The following CNN1 variants were observed in gnomAD, a reference collection of about 807,000 sequenced individuals.
CNN1 encodes calponin-1.
CNN1 carries 21 observed loss-of-function variants against 35.3 expected under a neutral mutation model. That is an observed-to-expected ratio of 0.60 (90% CI 0.42 to 0.86). The LOEUF is 0.86. CNN1 is among the 40% of genes least tolerant of loss of function. The probability of loss-of-function intolerance (pLI) is 0.00; values close to 1 mark genes in which losing one functional copy is unlikely to be tolerated. For synonymous variants in CNN1, 164 were observed against 161.8 expected, an observed-to-expected ratio of 1.01 and a Z score of -0.10; for missense variants, 314 against 400.8, an observed-to-expected ratio of 0.78 and a Z score of 1.85.
chr19:11,545,332 G>C (rs1037627729), intron 2 of CNN1, among the ~76,000 whole-genome samples: 1 of 151,844 alleles, frequency 6.6e-6, no homozygotes, highest in Non-Finnish European at 1.5e-5. Flanking sequence ...TGGAGGTGGC[G>C]GGGAGCAGTG....
intron 1 of CNN1, chr19:11,539,937 G>T (rs1972421982): frequency 9.0e-7 from 1 of 1,112,922 alleles, no homozygotes; most frequent in Non-Finnish European, 1.1e-6. Flanking sequence ...AGGCGGCCTC[G>T]GGGAGCCCGG....
chr19:11,546,576 C>T, intron 2 of CNN1, 99 bp from the exon 3 acceptor site: 1 of 1,233,434 alleles, frequency 8.1e-7, no homozygotes, highest in Non-Finnish European at 1.2e-6. Flanking sequence ...CCTCGTGATC[C>T]ACCCGCCTTG....
intron 2 of CNN1, chr19:11,541,823 C>A (rs982099139): frequency 6.6e-6 from 1 of 151,188 alleles, no homozygotes; most frequent in Non-Finnish European, 1.5e-5. Context: ...GAACTCCTGA[C>A]CTCAATTGAT....
intron 2 of CNN1, among the ~76,000 whole-genome samples, chr19:11,544,427 T>C (rs1047040392): frequency 1.3e-5 from 2 of 152,040 alleles, no homozygotes; most frequent in Non-Finnish European, 2.9e-5. Context: ...GAAGTGGAGA[T>C]GAAGTCGCAG....
intron 2 of CNN1, 141 bp downstream of exon 2, chr19:11,541,338 C>A: frequency 9.0e-7 from 1 of 1,116,758 alleles, no homozygotes; most frequent in Non-Finnish European, 1.2e-6. Context: ...AATCATTGTG[C>A]CCATTTAACA....
chr19:11,539,626 C>T (rs1972413050), intron 1 of CNN1: 1 of 739,850 alleles, frequency 1.4e-6, no homozygotes, highest in Admixed American at 2.5e-5. Flanking sequence ...CTCAGCTTCT[C>T]CCAGCTGGAG....
At position 11,549,507 on chromosome 19, in the gene CNN1, G is replaced by C. The variant is rs764380439; in HGVS notation, c.648+38G>C. 6.2e-7 allele frequency: 1 copy of C among 1,608,956 alleles called. No individual in the cohort carries two copies. The highest frequency in any genetic ancestry group is 1.7e-5 in the Admixed American group (1 of 59,594). Reference sequence around the variant, plus strand: ...CCCCGGGACACGCCGTCAAGGCCCAGGACCCTGGCCACCCCACGGCCTGAC... The same window carrying C: ...CCCCGGGACACGCCGTCAAGGCCCACGACCCTGGCCACCCCACGGCCTGAC... On this transcript the variant is annotated intron_variant, in intron 6 of 6. Transcript: ENST00000252456. This position sits in a 1 kb window ranked among gnomAD's most constrained non-coding sequence, Gnocchi z 5.2.
At position 11,541,095 on chromosome 19, in the gene CNN1, A is replaced by T. The variant is rs1972452143; in HGVS notation, c.83A>T (p.His28Leu). ...CCCCAGCTGGCCCAGAAGTATGACC[A>T]CCAGCGGGAGCAGGAGCTGAGAGAG... ...VKNKLAQKYD[H>L]QREQELREWI... is the part of the protein sequence containing the mutation. Residue 28 changes from histidine (H) to leucine (L), a missense_variant, in exon 2 of 7, where the codon CAC (histidine) becomes CTC (leucine). By Grantham distance (99) the His-to-Leu change is moderately conservative (BLOSUM62 -3). Coordinates refer to ENST00000252456, the MANE Select transcript of CNN1 (RefSeq NM_001299.6). 2 of 1,610,400 alleles carry T rather than the reference A, an allele frequency of 1.2e-6. No homozygotes were observed. The highest frequency in any genetic ancestry group is 2.2e-5 in the South Asian group (2 of 90,762).
rs1277334518 is a variant in CNN1, at chr19:11,549,953, C to A, written c.*158C>A. 1.8e-6 allele frequency: 2 copies of A among 1,136,402 alleles called. No individual in the cohort carries two copies. The highest frequency in any genetic ancestry group is 2.5e-6 in the Non-Finnish European group (2 of 815,594). The allele number at this position is 1,136,402 out of a possible 1,614,324, so 70.4% of individuals were successfully genotyped here. On this transcript the variant is annotated 3_prime_UTR_variant, in exon 7 of 7. Transcript: ENST00000252456. This position sits in a 1 kb window ranked among gnomAD's most constrained non-coding sequence, Gnocchi z 5.2. The stretch of plus-strand genomic sequence containing the variant: ...TTAGAGTTTGGAGAGAGCAGACTGG[C>A]GGGGGGCCCATTGGGGGGAAGGGGA...
intron 2 of CNN1, among the ~76,000 whole-genome samples, chr19:11,544,579 C>G (rs1174199025): frequency 2.0e-5 from 3 of 151,978 alleles, no homozygotes; most frequent in Non-Finnish European, 4.4e-5. Context: ...TCAACTGATC[C>G]TCCCACCCCA....
At chr19:11,546,633 C>T (rs1199073002) in intron 2 of CNN1, 42 bp from the exon 3 acceptor site, 1 of 1,611,634 alleles carries the variant, frequency 6.2e-7, no homozygotes, top group Non-Finnish European at 8.5e-7. Flanking sequence ...CGTGCCCAAC[C>T]CTGGGGGGAC....
chr19:11,549,252 C>A lies in CNN1; in HGVS notation c.502-71C>A, dbSNP rs1256788173. The A allele has an allele frequency of 1.3e-6, 2 of 1,526,058 alleles. No individual in the cohort carries two copies. The highest frequency in any genetic ancestry group is 2.3e-5 in the East Asian group (1 of 43,642). 94.5% of individuals were successfully genotyped at this position (1,526,058 alleles called of 1,614,324 possible). ...TGATAAAGCGGCGCCTCATCCTCTC[C>A]CATCAGCTATGCCTCATGGCCCATG... On this transcript the variant is annotated intron_variant, in intron 5 of 6. Coordinates refer to ENST00000252456, the MANE Select transcript of CNN1 (RefSeq NM_001299.6). The surrounding 1 kb of genome is among the most constrained non-coding windows in gnomAD (Gnocchi z 5.2).
intron 3 of CNN1, 31 bp from the exon 4 acceptor site, chr19:11,546,801 C>G (rs147357819): frequency 6.2e-7 from 1 of 1,614,152 alleles, no homozygotes; most frequent in Non-Finnish European, 8.5e-7. Flanking sequence ...CTCCCCTCCC[C>G]ACCCAGTGAC....
At chr19:11,544,662 GTTTTTTTTT>G (rs745637541) in intron 2 of CNN1, among the ~76,000 whole-genome samples, 9 of 131,968 alleles carry the variant, frequency 6.8e-5, no homozygotes, top group African/African-American at 2.3e-4. Context: ...AAGTTTTCGG[GTTTTTTTTT>G]TTTTTTTTTT....
rs759065611 is a variant in CNN1 at position 11,541,169 on chromosome 19, G to A, written c.157G>A (p.Gly53Ser). The A allele has an allele frequency of 2.1e-5, 33 of 1,599,096 alleles. No individual in the cohort carries two copies. In the South Asian group the frequency reaches 2.6e-4, roughly 12 times the overall value. The change falls in exon 2 of 7, where the codon GGC becomes AGC. Residue 53 changes from glycine (G) to serine (S), a missense_variant. Gly to Ser is a moderately conservative substitution (Grantham distance 56). Transcript: ENST00000252456. ...GRRIGNNFMD[G>S]LKDGIILCEF... Reference sequence around the variant, plus strand: ...TCGCATCGGCAACAACTTCATGGACGGCCTCAAAGATGGCATCATTCTTTG... The same window carrying A: ...TCGCATCGGCAACAACTTCATGGACAGCCTCAAAGATGGCATCATTCTTTG...
intron 2 of CNN1, among the ~76,000 whole-genome samples, chr19:11,546,343 CTTT>C (rs1261796219): frequency 2.1e-5 from 3 of 139,708 alleles, no homozygotes; most frequent in African/African-American, 2.6e-5. Context: ...ACCTTTCTTT[CTTT>C]TTTTTTTTTT....
chr19:11,541,145 C>T lies in CNN1; in HGVS notation c.133C>T (p.Arg45Cys), dbSNP rs923440246. The change falls in exon 2 of 7, where the codon CGC becomes TGC. Residue 45 changes from arginine (R) to cysteine (C), a missense_variant. Transcript: ENST00000252456. ...REWIEGVTGR[R>C]IGNNFMDGLK... ...GTGGATCGAGGGGGTGACAGGCCGT[C>T]GCATCGGCAACAACTTCATGGACGG... is the stretch of plus-strand genomic sequence containing the variant. 5.6e-6 allele frequency: 9 copies of T among 1,607,324 alleles called. No homozygotes were observed. Among genetic ancestry groups the T allele is most frequent in the Admixed American group, 1.7e-5 (1 of 59,076 alleles).
At chr19:11,539,032 C>T in intron 1 of CNN1, 42 bp downstream of exon 1, 1 of 1,503,080 alleles carries the variant, frequency 6.7e-7, no homozygotes, top group Non-Finnish European at 9.0e-7. Context: ...ACACGTCCTG[C>T]CAGGCCAGAG....
At chr19:11,545,047 A>C (rs1012288003) in intron 2 of CNN1, among the ~76,000 whole-genome samples, 1 of 151,930 alleles carries the variant, frequency 6.6e-6, no homozygotes, top group Non-Finnish European at 1.5e-5. Flanking sequence ...AAAAATACAC[A>C]AAATTTAGCT....
Sources: allele counts gnomAD v4.1 joint callset (sites outside exome capture counted in the v4.1 genomes callset), GRCh38; gene constraint gnomAD v4.1.1; non-coding constraint Gnocchi (gnomAD v3.1); transcripts MANE v1.5; gene names NCBI Gene and HGNC (gene_info 2026-07-23, HGNC 2026-07-21).